Variants in CDH12 observed in about 807,000 individuals in gnomAD.
CDH12 encodes cadherin-12.
CDH12 carries 41 observed loss-of-function variants against 74.1 expected under a neutral mutation model. That is an observed-to-expected ratio of 0.55 (90% CI 0.43 to 0.72). CDH12 has a LOEUF of 0.72. Ranked by LOEUF, CDH12 falls within the 30% of genes least tolerant of loss-of-function variation. The pLI is 0.00. For synonymous variants in CDH12, 399 were observed against 355.0 expected (o/e 1.12, Z -1.39); for missense variants, 945 against 977.2 (o/e 0.97, Z 0.44).
intron 5 of CDH12, among the ~76,000 whole-genome samples, chr5:22,029,334 A>C (rs1230592015): frequency 6.6e-6 from 1 of 152,168 alleles, no homozygotes; most frequent in Admixed American, 6.5e-5. Flanking sequence ...CAACCCACAA[A>C]ATGGGAGAAC....
intron 4 of CDH12, among the ~76,000 whole-genome samples, chr5:22,154,652 A>G (rs1338072834): frequency 3.8e-5 from 2 of 52,656 alleles, no homozygotes; most frequent in African/African-American, 8.1e-5. Context: ...GTATATATAC[A>G]CATATATAAT....
intron 3 of CDH12, among the ~76,000 whole-genome samples, chr5:22,335,809 A>G (rs1739558225): frequency 6.6e-6 from 1 of 152,126 alleles, no homozygotes; most frequent in Non-Finnish European, 1.5e-5. Flanking sequence ...ATGGACTAAC[A>G]CAGTAAATTG....
intron 6 of CDH12, among the ~76,000 whole-genome samples, chr5:21,872,952 C>T (rs1751723940): frequency 7.4e-6 from 1 of 135,918 alleles, no homozygotes; most frequent in African/African-American, 2.7e-5. Flanking sequence ...GCATCTATCT[C>T]TCTATGTAGT....
intron 2 of CDH12, among the ~76,000 whole-genome samples, chr5:22,465,695 T>TG: frequency 6.6e-6 from 1 of 152,142 alleles, no homozygotes. Flanking sequence ...ACAGAACACT[T>TG]GACGTATTTC....
chr5:22,687,577 A>G (rs1164061824), intron 1 of CDH12, among the ~76,000 whole-genome samples: 2 of 151,832 alleles, frequency 1.3e-5, no homozygotes. Context: ...CCCAGGACAT[A>G]TATATTTTAA....
At chr5:21,832,843 C>CATATGATATATGATATATATCATATGAT (rs2149969809) in intron 8 of CDH12, among the ~76,000 whole-genome samples, 1 of 89,212 alleles carries the variant, frequency 1.1e-5, no homozygotes, top group Admixed American at 1.8e-4. Context: ...TAATATAAAT[C>CATATGATATATGATATATATCATATGAT]ATATGATATA....
chr5:21,918,608 A>C (rs7443852), intron 6 of CDH12, among the ~76,000 whole-genome samples: 146,359 of 152,032 alleles, frequency 0.96, 70,595 homozygotes, highest in East Asian at 1. Flanking sequence ...ATGGCCGAGG[A>C]CTACAAAACC....
At chr5:22,087,406 G>A (rs1417207968) in intron 4 of CDH12, among the ~76,000 whole-genome samples, 6 of 152,054 alleles carry the variant, frequency 3.9e-5, no homozygotes, top group Non-Finnish European at 5.9e-5. Context: ...CTGTGGGGCC[G>A]AGGCAAGCAG....
At chr5:22,778,445 A>C (rs1330716112) in intron 1 of CDH12, among the ~76,000 whole-genome samples, 1 of 152,148 alleles carries the variant, frequency 6.6e-6, no homozygotes, top group African/African-American at 2.4e-5. Flanking sequence ...CATATCTCCC[A>C]CTGTTTGAGT....
intron 3 of CDH12, among the ~76,000 whole-genome samples, chr5:22,305,895 T>C (rs1441239643): frequency 6.6e-6 from 1 of 152,176 alleles, no homozygotes; most frequent in Non-Finnish European, 1.5e-5. Context: ...GTCCACCTTC[T>C]TGCCCACTTT....
At chr5:22,439,042 T>C (rs1744517878) in intron 2 of CDH12, among the ~76,000 whole-genome samples, 1 of 151,902 alleles carries the variant, frequency 6.6e-6, no homozygotes, top group Non-Finnish European at 1.5e-5. Flanking sequence ...ATCGCTTGTG[T>C]CTATAAAGCA....
At chr5:22,611,433 T>C (rs1478704674) in intron 1 of CDH12, among the ~76,000 whole-genome samples, 1 of 152,154 alleles carries the variant, frequency 6.6e-6, no homozygotes, top group Non-Finnish European at 1.5e-5. Context: ...ATCTTGGTCT[T>C]TGTATGGATC....
chr5:22,148,885 C>T (rs1747385961), intron 4 of CDH12, among the ~76,000 whole-genome samples: 1 of 152,134 alleles, frequency 6.6e-6, no homozygotes, highest in Admixed American at 6.6e-5. Flanking sequence ...CTTTGGGAGG[C>T]CGAGGCATGC....
intron 13 of CDH12, among the ~76,000 whole-genome samples, chr5:21,759,841 T>C (rs563911523): frequency 1.3e-5 from 2 of 152,156 alleles, no homozygotes; most frequent in East Asian, 3.9e-4. Flanking sequence ...CCTCCCATCC[T>C]CACCCCTCAA....
intron 1 of CDH12, among the ~76,000 whole-genome samples, chr5:22,661,152 A>G (rs1740325534): frequency 6.6e-6 from 1 of 152,198 alleles, no homozygotes; most frequent in African/African-American, 2.4e-5. Context: ...AGCTAATGAG[A>G]TGGTACAATC....
chr5:22,266,761 T>C (rs1358800714), intron 3 of CDH12, among the ~76,000 whole-genome samples: 2 of 152,138 alleles, frequency 1.3e-5, no homozygotes, highest in Non-Finnish European at 2.9e-5. Context: ...CTTGATGCAA[T>C]TCAGAAAAAA....
rs538586844 is a variant in CDH12 at position 22,290,182 on chromosome 5, A to G, written c.-332-77539T>C. Among the ~76,000 whole-genome samples, 37 of 148,948 alleles carry G rather than the reference A, an allele frequency of 2.5e-4. No individual in the cohort carries two copies. The East Asian group carries it at 3.6e-3, about 14-fold the overall frequency. ...CCAGTCTGCAAAGATTAAAATAAATACTTACTAATTCAAATGTGCAGACAT... is the reference window on the plus strand; with the variant it reads ...CCAGTCTGCAAAGATTAAAATAAATGCTTACTAATTCAAATGTGCAGACAT... On this transcript the variant is annotated intron_variant, in intron 3 of 14. Transcript: ENST00000382254.
rs1380959381 is a variant in CDH12 at position 22,596,983 on chromosome 5, A to G, written c.-522-91619T>C. Among the ~76,000 whole-genome samples, 4 of 152,168 alleles carry G rather than the reference A, an allele frequency of 2.6e-5. No individual in the cohort carries two copies. The East Asian group carries it at 7.7e-4, about 29-fold the overall frequency. ...AATTTAGGATAAAACACGGGCCTCT[A>G]TTTTTACCAATTTCATTATGATTAT... On this transcript the variant is annotated intron_variant, in intron 1 of 14. Transcript: ENST00000382254.
chr5:22,743,905 A>C (rs1275289518), intron 1 of CDH12, among the ~76,000 whole-genome samples: 9 of 152,062 alleles, frequency 5.9e-5, no homozygotes, highest in African/African-American at 1.9e-4. Context: ...TGTCACATTC[A>C]GTAGTTTATT....
Sources: allele counts gnomAD v4.1 joint callset (sites outside exome capture counted in the v4.1 genomes callset), GRCh38; gene constraint gnomAD v4.1.1; transcripts MANE v1.5; gene names NCBI Gene and HGNC (gene_info 2026-07-23, HGNC 2026-07-21).